The following SAMD5 variants were observed in gnomAD, a reference collection of about 807,000 sequenced individuals.
The protein encoded by SAMD5 is sterile alpha motif domain containing 5.
Under a neutral mutation model 11.3 loss-of-function variants are expected in SAMD5, and 13 were observed. The ratio of observed to expected loss-of-function variants is 1.15; its 90% CI spans 0.75 to 1.83. The LOEUF (loss-of-function observed/expected upper bound fraction) is 1.83. Ranked by LOEUF, SAMD5 falls within the 40% of genes most tolerant of loss-of-function variation. The pLI is 0.00. For missense variants in SAMD5, 255 were observed against 239.1 expected (o/e 1.07, Z -0.44); for synonymous variants, 129 against 111.3 (o/e 1.16, Z -1.00).
chr6:147,887,286 C>T, the SAMD5 span, among the ~76,000 whole-genome samples: 1 of 152,198 alleles, frequency 6.6e-6, no homozygotes, highest in African/African-American at 2.4e-5. Context: ...AGATAAAGAA[C>T]ACAACCATCA....
intron 1 of SAMD5, among the ~76,000 whole-genome samples, chr6:147,656,845 C>A (rs190190365): frequency 7.9e-5 from 12 of 152,006 alleles, no homozygotes; most frequent in African/African-American, 2.9e-4. Context: ...TCTATCCTAG[C>A]AATCCCGCTT....
At position 147,509,358 on chromosome 6, in the gene SAMD5, C is replaced by T. The variant is rs536546210; in HGVS notation, c.430C>T (p.His144Tyr). ...GGATAAGCTCGTCCGTGACGGCATCCACCTGAGCAAGCCCCCGTACTCCCG... is the reference window on the plus strand; with the variant it reads ...GGATAAGCTCGTCCGTGACGGCATCTACCTGAGCAAGCCCCCGTACTCCCG... ...IRDKLVRDGI[H>Y]LSKPPYSRKV... is the part of the protein sequence containing the mutation. Residue 144 changes from histidine to tyrosine, a missense_variant, in exon 1 of 2, where the codon CAC (histidine) becomes TAC (tyrosine). By Grantham distance (83) the His-to-Tyr change is moderately conservative. Transcript: ENST00000367474. The T allele has an allele frequency of 2.5e-5, 39 of 1,573,326 alleles. No homozygotes were observed. The highest frequency in any genetic ancestry group is 3.3e-5 in the Non-Finnish European group (38 of 1,161,514).
chr6:147,530,837 T>C (rs1235569914), intron 1 of SAMD5, among the ~76,000 whole-genome samples: 1 of 152,210 alleles, frequency 6.6e-6, no homozygotes, highest in African/African-American at 2.4e-5. Flanking sequence ...GTAATCAGCC[T>C]TCTTTGCTGT....
chr6:147,657,033 T>C (rs1790581098), intron 1 of SAMD5, among the ~76,000 whole-genome samples: 1 of 152,048 alleles, frequency 6.6e-6, no homozygotes, highest in Non-Finnish European at 1.5e-5. Flanking sequence ...GTATAAAGCA[T>C]AGTATTTATA....
the SAMD5 span, among the ~76,000 whole-genome samples, chr6:147,872,595 G>A: frequency 6.6e-6 from 1 of 152,282 alleles, no homozygotes; most frequent in South Asian, 2.1e-4. Flanking sequence ...AGCTGGATTT[G>A]AACTCATGTT....
At chr6:147,914,840 A>C in the SAMD5 span, among the ~76,000 whole-genome samples, 1 of 152,188 alleles carries the variant, frequency 6.6e-6, no homozygotes, top group Non-Finnish European at 1.5e-5. Flanking sequence ...TGTCACCTGT[A>C]ATATTCAGGA....
chr6:147,772,729 A>G, the SAMD5 span, among the ~76,000 whole-genome samples: 1 of 152,152 alleles, frequency 6.6e-6, no homozygotes, highest in Non-Finnish European at 1.5e-5. Flanking sequence ...GACACTAGTC[A>G]GATTGGATTA....
At chr6:147,712,330 T>C (rs1386351174) in intron 1 of SAMD5, among the ~76,000 whole-genome samples, 1 of 152,232 alleles carries the variant, frequency 6.6e-6, no homozygotes, top group Admixed American at 6.5e-5. Flanking sequence ...TTTATTTTTT[T>C]CCAGGAATAT....
the SAMD5 span, among the ~76,000 whole-genome samples, chr6:147,829,493 A>G: frequency 6.6e-6 from 1 of 152,188 alleles, no homozygotes; most frequent in Admixed American, 6.5e-5. Flanking sequence ...TTTTTCTGAA[A>G]TGATTGCTTA....
At chr6:147,827,313 G>A in the SAMD5 span, among the ~76,000 whole-genome samples, 122 of 150,776 alleles carry the variant, frequency 8.1e-4, no homozygotes, top group African/African-American at 2.8e-3. Flanking sequence ...AGGAAGGAAG[G>A]AAGGAAAAAA....
intron 1 of SAMD5, among the ~76,000 whole-genome samples, chr6:147,669,891 T>C (rs1409691347): frequency 6.6e-6 from 1 of 152,226 alleles, no homozygotes; most frequent in Non-Finnish European, 1.5e-5. Context: ...TCATGAATCA[T>C]GGATCTTCTT....
chr6:147,874,731 C>T, the SAMD5 span, among the ~76,000 whole-genome samples: 3 of 127,936 alleles, frequency 2.3e-5, no homozygotes, highest in East Asian at 2.4e-4. Flanking sequence ...TTGAAGATGT[C>T]GAACAAGAAT....
chr6:147,875,532 T>C, the SAMD5 span, among the ~76,000 whole-genome samples: 1 of 152,188 alleles, frequency 6.6e-6, no homozygotes, highest in African/African-American at 2.4e-5. Flanking sequence ...CTGAGTGTTC[T>C]ATCCCCTAGA....
the SAMD5 span, among the ~76,000 whole-genome samples, chr6:147,894,330 G>T: frequency 1.3e-5 from 2 of 152,042 alleles, no homozygotes; most frequent in African/African-American, 4.8e-5. Context: ...TACCATGTTA[G>T]CCAGGATGGT....
intron 1 of SAMD5, among the ~76,000 whole-genome samples, chr6:147,597,380 G>A (rs546917568): frequency 2.6e-5 from 4 of 152,244 alleles, no homozygotes; most frequent in African/African-American, 9.6e-5. Context: ...ACAGTAAAAG[G>A]AGACTATTTA....
At chr6:147,816,304 ATATATAT>A in the SAMD5 span, among the ~76,000 whole-genome samples, 4 of 33,410 alleles carry the variant, frequency 1.2e-4, no homozygotes, top group East Asian at 6.3e-4. Context: ...AAAAAAAAAT[ATATATAT>A]ATATATATAT....
At chr6:147,610,379 G>A (rs1583105304) in intron 1 of SAMD5, among the ~76,000 whole-genome samples, 1 of 152,128 alleles carries the variant, frequency 6.6e-6, no homozygotes, top group South Asian at 2.1e-4. Context: ...GTGCAACGAC[G>A]ACACTCCTGA....
chr6:147,838,027 C>G, the SAMD5 span, among the ~76,000 whole-genome samples: 3 of 152,044 alleles, frequency 2.0e-5, no homozygotes, highest in East Asian at 5.8e-4. Flanking sequence ...GGTCCACTAT[C>G]TATATGGAGT....
At chr6:147,730,021 G>A (rs1791689169) in intron 1 of SAMD5, 2 of 404,768 alleles carry the variant, frequency 4.9e-6, no homozygotes, top group Non-Finnish European at 9.5e-6. Flanking sequence ...GGAGGTGGAT[G>A]TTGCAGTGAG....
Sources: gnomAD v4.1 joint callset for allele counts (sites outside exome capture counted in the v4.1 genomes callset) on GRCh38, gnomAD v4.1.1 for gene constraint, MANE v1.5 for transcripts, NCBI Gene and HGNC (gene_info 2026-07-23, HGNC 2026-07-21) for gene names.